Variants in CCDC201 observed in about 807,000 individuals in gnomAD.
CCDC201 encodes coiled-coil domain-containing protein 201.
upstream of CCDC201, among the ~76,000 whole-genome samples, chr7:45,873,490 G>A (rs1488704966): frequency 6.6e-6 from 1 of 151,790 alleles, no homozygotes; most frequent in African/African-American, 2.4e-5. Flanking sequence ...GTCCTTCATT[G>A]AGTGCTTCTG....
the CCDC201 span, among the ~76,000 whole-genome samples, chr7:45,883,575 G>C: frequency 2.6e-5 from 4 of 152,188 alleles, no homozygotes; most frequent in African/African-American, 9.7e-5. Flanking sequence ...GAAGCACACA[G>C]TTGTGCAGTT....
At chr7:45,884,667 A>G in the CCDC201 span, among the ~76,000 whole-genome samples, 1 of 151,874 alleles carries the variant, frequency 6.6e-6, no homozygotes, top group Admixed American at 6.6e-5. Flanking sequence ...TGCACACCCC[A>G]TCCCTTTGCT....
At chr7:45,868,104 G>C (rs983900529) in intron 1 of CCDC201, among the ~76,000 whole-genome samples, 1 of 152,180 alleles carries the variant, frequency 6.6e-6, no homozygotes, top group Non-Finnish European at 1.5e-5. Flanking sequence ...TTCTGGCTTG[G>C]GGTCACCCAT....
intron 1 of CCDC201, among the ~76,000 whole-genome samples, chr7:45,867,463 C>T (rs1786690801): frequency 6.6e-6 from 1 of 152,168 alleles, no homozygotes; most frequent in South Asian, 2.1e-4. Context: ...AAGCCACTGT[C>T]ATTCAGGGTG....
the CCDC201 span, among the ~76,000 whole-genome samples, chr7:45,879,495 T>C: frequency 6.6e-6 from 1 of 152,182 alleles, no homozygotes; most frequent in Non-Finnish European, 1.5e-5. Context: ...TGGCAAGACC[T>C]CAGGAAACTT....
intron 1 of CCDC201, among the ~76,000 whole-genome samples, chr7:45,869,806 T>A (rs1766679586): frequency 6.6e-6 from 1 of 150,758 alleles, no homozygotes; most frequent in Non-Finnish European, 1.5e-5. Context: ...ACTTTACAGT[T>A]TAGTTGCTCC....
chr7:45,868,277 G>A (rs909687681), intron 1 of CCDC201, among the ~76,000 whole-genome samples: 4 of 152,158 alleles, frequency 2.6e-5, no homozygotes, highest in African/African-American at 9.7e-5. Flanking sequence ...GGCTAGTTGA[G>A]TGTCCTCCAG....
At chr7:45,879,717 G>C in the CCDC201 span, among the ~76,000 whole-genome samples, 3 of 152,296 alleles carry the variant, frequency 2.0e-5, no homozygotes, top group South Asian at 6.2e-4. Context: ...GGGACACAGA[G>C]CCAAACCATA....
At chr7:45,882,182 A>C in the CCDC201 span, among the ~76,000 whole-genome samples, 4 of 152,110 alleles carry the variant, frequency 2.6e-5, no homozygotes, top group Non-Finnish European at 2.9e-5. Flanking sequence ...TGGATTGCCC[A>C]ATTTTCAGCT....
chr7:45,865,561 GGCTGTTTTCT>G (rs1387119820), intron 2 of CCDC201, among the ~76,000 whole-genome samples: 3 of 152,206 alleles, frequency 2.0e-5, no homozygotes, highest in African/African-American at 7.2e-5. Context: ...TACTAGAATA[GGCTGTTTTCT>G]GCTATTCTGT....
At chr7:45,876,728 G>C (rs1288130479), upstream of CCDC201, among the ~76,000 whole-genome samples, 1 of 152,230 alleles carries the variant, frequency 6.6e-6, no homozygotes, top group East Asian at 1.9e-4. Context: ...CTGGCACTGG[G>C]TGGCAGCCGT....
chr7:45,864,742 A>G (rs1303528537), intron 2 of CCDC201, among the ~76,000 whole-genome samples: 1 of 152,178 alleles, frequency 6.6e-6, no homozygotes, highest in Non-Finnish European at 1.5e-5. Flanking sequence ...AGAAAATATC[A>G]TCATGCAGTA....
chr7:45,865,337 A>G (rs1786656710), intron 2 of CCDC201, among the ~76,000 whole-genome samples: 1 of 152,196 alleles, frequency 6.6e-6, no homozygotes, highest in Non-Finnish European at 1.5e-5. Context: ...TAGGTCTGAG[A>G]CAGTGTGTGC....
exon 3 of CCDC201, chr7:45,861,124 A>G (rs1387730461): frequency 6.6e-6 from 1 of 152,236 alleles, no homozygotes; most frequent in Non-Finnish European, 1.5e-5. Context: ...GAAAAACGAG[A>G]TAGAAACATA....
chr7:45,871,176 G>C (rs1786739518), intron 1 of CCDC201, among the ~76,000 whole-genome samples: 2 of 152,174 alleles, frequency 1.3e-5, no homozygotes. Flanking sequence ...ACATGCATAG[G>C]AGGATGTCAT....
intron 1 of CCDC201, among the ~76,000 whole-genome samples, 167 bp downstream of exon 1, chr7:45,872,823 G>A (rs1389403422): frequency 6.6e-6 from 1 of 152,176 alleles, no homozygotes; most frequent in Admixed American, 6.5e-5. Flanking sequence ...AGGCCACCAG[G>A]ACCAGGCCAC....
intron 1 of CCDC201, among the ~76,000 whole-genome samples, chr7:45,868,530 A>G (rs144623338): frequency 6.6e-6 from 1 of 152,212 alleles, no homozygotes; most frequent in East Asian, 1.9e-4. Context: ...AATTGCATTT[A>G]AGGAGAAGCC....
At chr7:45,867,496 A>G (rs1356663153) in intron 1 of CCDC201, among the ~76,000 whole-genome samples, 1 of 152,246 alleles carries the variant, frequency 6.6e-6, no homozygotes, top group Non-Finnish European at 1.5e-5. Flanking sequence ...GAACTTTTCT[A>G]AAAGAAAAGA....
chr7:45,871,391 A>G (rs992955512), intron 1 of CCDC201, among the ~76,000 whole-genome samples: 1 of 152,174 alleles, frequency 6.6e-6, no homozygotes, highest in East Asian at 1.9e-4. Context: ...AAACAAAAAA[A>G]TTAAAAATCT....
Sources: gnomAD v4.1 joint callset for allele counts (sites outside exome capture counted in the v4.1 genomes callset) on GRCh38, gnomAD v4.1.1 for gene constraint, MANE v1.5 for transcripts, NCBI Gene and HGNC (gene_info 2026-07-23, HGNC 2026-07-21) for gene names.